Variants in DLG1 observed in about 807,000 individuals in gnomAD.
The protein encoded by DLG1 is disks large homolog 1.
In DLG1, 42 loss-of-function variants were observed where a neutral mutation model predicts 123.4. The ratio of observed to expected loss-of-function variants is 0.34; its 90% CI spans 0.27 to 0.44. DLG1 has a LOEUF of 0.44. DLG1 is among the 20% of genes least tolerant of loss of function. DLG1 has a pLI of 1.00. For synonymous variants in DLG1, 317 were observed against 356.2 expected (o/e 0.89, Z 1.24); for missense variants, 942 against 1,082.6 (o/e 0.87, Z 1.82).
chr3:197,204,647 T>C (rs1727591254), intron 4 of DLG1, among the ~76,000 whole-genome samples: 1 of 151,938 alleles, frequency 6.6e-6, no homozygotes, highest in African/African-American at 2.4e-5. Context: ...TGGAAAACAT[T>C]TGGGGAAAAA....
chr3:197,164,986 C>A (rs1392093830), intron 5 of DLG1, among the ~76,000 whole-genome samples: 8 of 151,388 alleles, frequency 5.3e-5, no homozygotes, highest in Non-Finnish European at 1.2e-4. Flanking sequence ...TTAAAATTAT[C>A]AGTACGAACA....
At chr3:197,273,860 A>AAAAAAG (rs1230244536) in intron 4 of DLG1, among the ~76,000 whole-genome samples, 4 of 150,502 alleles carry the variant, frequency 2.7e-5, no homozygotes, top group African/African-American at 7.3e-5. Context: ...AAAAAAAAAA[A>AAAAAAG]AAAAACCAAA....
chr3:197,282,345 C>T (rs891293882), intron 4 of DLG1, among the ~76,000 whole-genome samples: 1 of 152,108 alleles, frequency 6.6e-6, no homozygotes, highest in African/African-American at 2.4e-5. Flanking sequence ...GAAAGAATAC[C>T]AGAGCAAAAC....
chr3:197,119,572 A>G (rs1482526799), intron 11 of DLG1, 42 bp from the exon 12 acceptor site: 1 of 1,554,816 alleles, frequency 6.4e-7, no homozygotes, highest in Admixed American at 1.8e-5. Flanking sequence ...AACACGAAAC[A>G]AGCCAATCAG....
chr3:197,194,316 G>A, intron 5 of DLG1, 109 bp downstream of exon 5: 2 of 585,234 alleles, frequency 3.4e-6, no homozygotes, highest in Non-Finnish European at 5.2e-6. Flanking sequence ...AAATGGGGGG[G>A]TGGGGTAGGG....
At chr3:197,068,513 C>A in intron 19 of DLG1, 1 of 1,581,666 alleles carries the variant, frequency 6.3e-7, no homozygotes, top group Non-Finnish European at 8.6e-7. Flanking sequence ...TTTTGAGCAG[C>A]CATACTCATC....
At chr3:197,292,091 G>C (rs749624224) in intron 3 of DLG1, among the ~76,000 whole-genome samples, 2 of 152,080 alleles carry the variant, frequency 1.3e-5, no homozygotes, top group Admixed American at 6.5e-5. Flanking sequence ...TGTAACTGCC[G>C]TATGATCCCA....
intron 8 of DLG1, among the ~76,000 whole-genome samples, chr3:197,138,786 T>A (rs557457074): frequency 6.6e-6 from 1 of 152,262 alleles, no homozygotes. Flanking sequence ...ATGACACCTG[T>A]AAGCTTAATA....
In DLG1 at chr3:197,077,819, G is replaced by A. The variant is rs140359389; in HGVS notation, c.1906-1134C>T. On this transcript the variant is annotated intron_variant, in intron 17 of 24. Transcript: ENST00000667157. ...TAGGCATTCATGTTTTGAAGGAAAC[G>A]GGCTTACCTACCAGTGACACTAAGA... Among the ~76,000 whole-genome samples the A allele has an allele frequency of 2.6e-4, 40 of 152,202 alleles. No individual in the cohort carries two copies. In the East Asian group the frequency reaches 6.9e-3, roughly 26 times the overall value.
chr3:197,238,712 TAAAC>T (rs1302890596), intron 4 of DLG1, among the ~76,000 whole-genome samples: 2 of 152,062 alleles, frequency 1.3e-5, no homozygotes, highest in Non-Finnish European at 2.9e-5. Context: ...TTGTGGAAAT[TAAAC>T]ACACTCTTAC....
intron 4 of DLG1, among the ~76,000 whole-genome samples, chr3:197,200,235 G>A (rs1724905862): frequency 6.6e-6 from 1 of 152,024 alleles, no homozygotes; most frequent in Admixed American, 6.5e-5. Flanking sequence ...TTAGTACAAG[G>A]TTCTTAAATC....
At chr3:197,219,591 T>C (rs1216237277) in intron 4 of DLG1, among the ~76,000 whole-genome samples, 1 of 152,212 alleles carries the variant, frequency 6.6e-6, no homozygotes, top group African/African-American at 2.4e-5. Flanking sequence ...ACTGAAGTCC[T>C]AACTTCTAGT....
At chr3:197,282,097 T>C (rs1362323067) in intron 4 of DLG1, among the ~76,000 whole-genome samples, 3 of 152,236 alleles carry the variant, frequency 2.0e-5, no homozygotes, top group African/African-American at 7.2e-5. Flanking sequence ...ACCTCTGCTA[T>C]ACCATATCCA....
intron 5 of DLG1, among the ~76,000 whole-genome samples, chr3:197,162,843 A>G (rs889718601): frequency 6.6e-6 from 1 of 152,228 alleles, no homozygotes; most frequent in Non-Finnish European, 1.5e-5. Context: ...TGAAAGAAAA[A>G]AATCAATTAG....
chr3:197,263,112 G>T (rs1373060932), intron 4 of DLG1, among the ~76,000 whole-genome samples: 1 of 152,136 alleles, frequency 6.6e-6, no homozygotes, highest in Non-Finnish European at 1.5e-5. Context: ...TCTAAGTACT[G>T]ACTAGGCATT....
intron 4 of DLG1, among the ~76,000 whole-genome samples, chr3:197,273,536 C>T (rs1322446379): frequency 6.6e-6 from 1 of 152,104 alleles, no homozygotes; most frequent in African/African-American, 2.4e-5. Flanking sequence ...CCGCACCCGG[C>T]TGAATATATA....
chr3:197,092,603 C>G (rs1758365017), intron 14 of DLG1, among the ~76,000 whole-genome samples: 1 of 152,136 alleles, frequency 6.6e-6, no homozygotes, highest in African/African-American at 2.4e-5. Flanking sequence ...TGGGCTCAAG[C>G]AATCCTGCCT....
intron 14 of DLG1, among the ~76,000 whole-genome samples, chr3:197,100,926 A>T (rs181615263): frequency 5.1e-4 from 78 of 152,282 alleles, no homozygotes; most frequent in African/African-American, 1.9e-3. Flanking sequence ...TTCTCCTAAA[A>T]ACTTGTCTTT....
At chr3:197,156,603 G>T (rs1180691547) in intron 5 of DLG1, among the ~76,000 whole-genome samples, 2 of 152,066 alleles carry the variant, frequency 1.3e-5, no homozygotes, top group African/African-American at 4.8e-5. Context: ...GAAACTGAAG[G>T]ACAGAAAGGG....
Sources: gnomAD v4.1 joint callset for allele counts (sites outside exome capture counted in the v4.1 genomes callset) on GRCh38, gnomAD v4.1.1 for gene constraint, MANE v1.5 for transcripts, NCBI Gene and HGNC (gene_info 2026-07-23, HGNC 2026-07-21) for gene names.